The following PAK1 variants were observed in gnomAD, a reference collection of about 807,000 sequenced individuals.
The protein encoded by PAK1 is p21 (RAC1) activated kinase 1.
In PAK1, 29 loss-of-function variants were observed where a neutral mutation model predicts 67.4. The observed-to-expected ratio is 0.43, with a 90% CI of 0.32 to 0.59. The LOEUF (loss-of-function observed/expected upper bound fraction) is 0.59, where lower values mean the gene tolerates loss of function less well. PAK1 is among the 20% of genes least tolerant of loss of function. The pLI is 0.07. For missense variants in PAK1, 337 were observed against 670.7 expected, an observed-to-expected ratio of 0.50 and a Z score of 5.50; for synonymous variants, 223 against 237.4, an observed-to-expected ratio of 0.94 and a Z score of 0.56.
chr11:77,437,789 TTAAG>T (rs1437022094), intron 1 of PAK1, among the ~76,000 whole-genome samples: 3 of 152,192 alleles, frequency 2.0e-5, no homozygotes, highest in Non-Finnish European at 4.4e-5. Context: ...TCTGAACTCT[TTAAG>T]AGTATATGGA....
chr11:77,394,395 AGG>A (rs1951566057), intron 1 of PAK1, among the ~76,000 whole-genome samples: 1 of 152,134 alleles, frequency 6.6e-6, no homozygotes, highest in African/African-American at 2.4e-5. Context: ...CTACCGCTTT[AGG>A]CATCAATTAC....
rs1459019213 is a variant in PAK1, at chr11:77,355,690, A to G, written c.750T>C (p.Asp250=). The change falls in exon 7 of 15, where the codon GAT becomes GAC. Residue 250 remains aspartate (D), a synonymous_variant. Coordinates refer to ENST00000356341, the MANE Select transcript of PAK1 (RefSeq NM_002576.5). The part of the protein sequence containing the change: ...EKQKKKPKMS[D]EEILEKLRSI... ...TACGTAATTTCTCCAAGATCTCCTCATCAGACATTTTAGGCTTCTTCTTCT... is the reference window on the plus strand; with the variant it reads ...TACGTAATTTCTCCAAGATCTCCTCGTCAGACATTTTAGGCTTCTTCTTCT... The G allele has an allele frequency of 2.4e-5, 38 of 1,613,372 alleles. No individual in the cohort carries two copies. The highest frequency in any genetic ancestry group is 3.2e-5 in the Non-Finnish European group (38 of 1,179,486).
the PAK1 span, among the ~76,000 whole-genome samples, chr11:77,491,137 G>A: frequency 1.1e-3 from 106 of 92,664 alleles, no homozygotes; most frequent in South Asian, 2.2e-3. Context: ...AAAAAAAAAA[G>A]AAAAAAAAAA....
intron 1 of PAK1, among the ~76,000 whole-genome samples, chr11:77,472,604 A>G (rs1022674742): frequency 2.0e-5 from 3 of 152,244 alleles, no homozygotes; most frequent in African/African-American, 7.2e-5. Context: ...AGATGAAGCC[A>G]CAGGGTAAGA....
At chr11:77,330,942 A>G (rs1941355777) in intron 14 of PAK1, among the ~76,000 whole-genome samples, 1 of 152,228 alleles carries the variant, frequency 6.6e-6, no homozygotes, top group South Asian at 2.1e-4. Flanking sequence ...TTTACAAGAA[A>G]AAAACAAACA....
At chr11:77,462,713 T>G (rs1383841962) in intron 1 of PAK1, among the ~76,000 whole-genome samples, 1 of 151,754 alleles carries the variant, frequency 6.6e-6, no homozygotes, top group Non-Finnish European at 1.5e-5. Context: ...GCACCTATAA[T>G]CCCAGCTACT....
At chr11:77,399,225 A>G (rs767626319) in intron 1 of PAK1, among the ~76,000 whole-genome samples, 14 of 152,224 alleles carry the variant, frequency 9.2e-5, no homozygotes, top group Non-Finnish European at 1.6e-4. Context: ...CCTAGAGGCT[A>G]TCACCATCTA....
chr11:77,424,492 ATAAC>A (rs1327314376), intron 1 of PAK1, among the ~76,000 whole-genome samples: 3 of 152,350 alleles, frequency 2.0e-5, no homozygotes, highest in East Asian at 3.9e-4. Context: ...ATAAAATCTT[ATAAC>A]TAACACTAAC....
rs1957551191 is a variant in PAK1, at chr11:77,465,401, G to GT, written c.-22+8150dup. Among the ~76,000 whole-genome samples the GT allele has an allele frequency of 3.3e-5, 5 of 152,084 alleles. No homozygotes were observed. In the South Asian group the frequency reaches 1.0e-3, roughly 32 times the overall value. ...GTTAAATGAGACTCTATATAAAAGG[G>GT]TTTTGAAAACAGTAAAGCACAAAAA... On this transcript the variant is annotated intron_variant, in intron 1 of 14. Transcript: ENST00000356341.
intron 5 of PAK1, among the ~76,000 whole-genome samples, chr11:77,359,531 C>T (rs1285866701): frequency 6.6e-6 from 1 of 152,202 alleles, no homozygotes; most frequent in Non-Finnish European, 1.5e-5. Context: ...GAACCCATTA[C>T]ATTACCAGGG....
At chr11:77,479,602 CTTTTTT>C (rs34649009), upstream of PAK1, among the ~76,000 whole-genome samples, 2 of 80,544 alleles carry the variant, frequency 2.5e-5, no homozygotes, top group Admixed American at 1.8e-4. Flanking sequence ...GAAAAATAAA[CTTTTTT>C]TTTTTTTTTT....
chr11:77,450,311 C>A (rs1165902669), intron 1 of PAK1, among the ~76,000 whole-genome samples: 3 of 152,108 alleles, frequency 2.0e-5, no homozygotes, highest in Admixed American at 6.5e-5. Flanking sequence ...GTTTCATGCT[C>A]CCCAACTCTT....
intron 2 of PAK1, among the ~76,000 whole-genome samples, chr11:77,387,704 T>C (rs1377830362): frequency 6.6e-6 from 1 of 152,242 alleles, no homozygotes; most frequent in East Asian, 1.9e-4. Context: ...ACTAATGATA[T>C]AGGATGAATG....
At chr11:77,423,649 G>A (rs149063333) in intron 1 of PAK1, among the ~76,000 whole-genome samples, 2 of 152,176 alleles carry the variant, frequency 1.3e-5, no homozygotes, top group Non-Finnish European at 2.9e-5. Flanking sequence ...TGTTGTTAAG[G>A]GACAACCATT....
the PAK1 span, among the ~76,000 whole-genome samples, chr11:77,524,251 T>C: frequency 6.6e-6 from 1 of 152,324 alleles, no homozygotes; most frequent in African/African-American, 2.4e-5. Context: ...CTGCCTCATG[T>C]CTGGACTTTT....
chr11:77,488,213 A>G, the PAK1 span, among the ~76,000 whole-genome samples: 1 of 152,236 alleles, frequency 6.6e-6, no homozygotes, highest in South Asian at 2.1e-4. Context: ...CCATAGTGTT[A>G]CTGGGCTTGG....
chr11:77,409,687 A>T (rs1954211629), intron 1 of PAK1, among the ~76,000 whole-genome samples: 1 of 152,164 alleles, frequency 6.6e-6, no homozygotes. Flanking sequence ...AAAGCCAGGT[A>T]CAGGAAGACA....
chr11:77,481,456 C>CACG, the PAK1 span, among the ~76,000 whole-genome samples: 4 of 151,930 alleles, frequency 2.6e-5, no homozygotes, highest in African/African-American at 9.7e-5. Flanking sequence ...GCGGGCGGAT[C>CACG]ACGAGGTCAA....
chr11:77,333,217 A>C (rs1212717081), intron 13 of PAK1, among the ~76,000 whole-genome samples: 1 of 88,656 alleles, frequency 1.1e-5, no homozygotes, highest in Non-Finnish European at 2.2e-5. Flanking sequence ...TTTTTTTTTG[A>C]GATGGAGTCT....
Sources: gnomAD v4.1 joint callset for allele counts (sites outside exome capture counted in the v4.1 genomes callset) on GRCh38, gnomAD v4.1.1 for gene constraint, MANE v1.5 for transcripts, NCBI Gene and HGNC (gene_info 2026-07-23, HGNC 2026-07-21) for gene names.